SKAP2: variants seen among roughly 807,000 people sequenced by gnomAD.
SKAP2 encodes src kinase-associated phosphoprotein 2.
A neutral mutation model predicts 54.9 loss-of-function variants in SKAP2; 28 were observed. That is an observed-to-expected ratio of 0.51 (90% CI 0.38 to 0.70). The LOEUF (loss-of-function observed/expected upper bound fraction) is 0.70. SKAP2 is among the 30% of genes least tolerant of loss of function. SKAP2 has a pLI of 0.00. For missense variants in SKAP2, 356 were observed against 424.1 expected (o/e 0.84, Z 1.41); for synonymous variants, 137 against 134.3 (o/e 1.02, Z -0.14).
At chr7:26,847,712 G>C (rs1193946175) in intron 3 of SKAP2, among the ~76,000 whole-genome samples, 1 of 152,134 alleles carries the variant, frequency 6.6e-6, no homozygotes, top group Non-Finnish European at 1.5e-5. Flanking sequence ...AATGTCAGTG[G>C]TGCTGTGAGC....
At chr7:26,717,013 G>A (rs964650588) in intron 9 of SKAP2, among the ~76,000 whole-genome samples, 1 of 152,020 alleles carries the variant, frequency 6.6e-6, no homozygotes, top group Non-Finnish European at 1.5e-5. Context: ...TCTTTCCTGT[G>A]TTCACTCCTT....
At chr7:26,732,821 C>T (rs1787848188) in intron 6 of SKAP2, among the ~76,000 whole-genome samples, 1 of 152,140 alleles carries the variant, frequency 6.6e-6, no homozygotes, top group African/African-American at 2.4e-5. Flanking sequence ...AGAAGTGAGA[C>T]TAGATATCAA....
chr7:26,718,980 A>C (rs997004881), intron 9 of SKAP2, among the ~76,000 whole-genome samples: 1 of 152,066 alleles, frequency 6.6e-6, no homozygotes, highest in Non-Finnish European at 1.5e-5. Flanking sequence ...GGAGTTCAAA[A>C]CCAGCCTGGT....
intron 4 of SKAP2, among the ~76,000 whole-genome samples, chr7:26,809,876 G>A (rs906568672): frequency 5.3e-5 from 8 of 152,176 alleles, no homozygotes; most frequent in Admixed American, 4.6e-4. Flanking sequence ...AAGATGAATA[G>A]ATGAAGAAAA....
chr7:26,659,770 C>T, the SKAP2 span, among the ~76,000 whole-genome samples: 1 of 152,000 alleles, frequency 6.6e-6, no homozygotes, highest in African/African-American at 2.4e-5. Context: ...AAGTAAAATA[C>T]AGAATTCCCT....
chr7:26,719,918 C>A (rs995268622), intron 9 of SKAP2, among the ~76,000 whole-genome samples: 1 of 152,202 alleles, frequency 6.6e-6, no homozygotes, highest in Non-Finnish European at 1.5e-5. Context: ...TTGTCTATTA[C>A]ATCCCTGTGG....
chr7:26,711,453 T>A (rs1014114822), intron 9 of SKAP2, among the ~76,000 whole-genome samples: 5 of 152,190 alleles, frequency 3.3e-5, no homozygotes, highest in Non-Finnish European at 7.4e-5. Flanking sequence ...GACAAAAAAA[T>A]GAAAAGCCAC....
intron 9 of SKAP2, among the ~76,000 whole-genome samples, chr7:26,717,509 CAAAAAAAAAAAAAAAA>C (rs58826714): frequency 4.8e-4 from 11 of 23,130 alleles, no homozygotes; most frequent in East Asian, 1.6e-3. Context: ...GACCCCATCT[CAAAAAAAAAAAAAAAA>C]AAAAAAAAAA....
intron 9 of SKAP2, among the ~76,000 whole-genome samples, chr7:26,702,468 A>C (rs1390354640): frequency 2.0e-5 from 3 of 152,136 alleles, no homozygotes; most frequent in African/African-American, 7.2e-5. Flanking sequence ...CTCAAGAAAG[A>C]AAAAGATATG....
intron 1 of SKAP2, among the ~76,000 whole-genome samples, chr7:26,858,826 C>T (rs1785226387): frequency 6.6e-6 from 1 of 152,194 alleles, no homozygotes; most frequent in Non-Finnish European, 1.5e-5. Context: ...TAGTATCTAG[C>T]ACAGATTCCC....
rs893234169 is a variant in SKAP2, at chr7:26,668,333, T to C, written c.*1333A>G. On this transcript the variant is annotated 3_prime_UTR_variant, in exon 13 of 13. Transcript: ENST00000345317. ...CATTTTGACATATGTTAAGGCTACATTGGTATCTCATAGGTATTTTAAACA... is the reference window on the plus strand; with the variant it reads ...CATTTTGACATATGTTAAGGCTACACTGGTATCTCATAGGTATTTTAAACA... The C allele has an allele frequency of 1.3e-5, 2 of 152,222 alleles. No individual in the cohort carries two copies. The highest frequency in any genetic ancestry group is 2.4e-5 in the African/African-American group (1 of 41,454). The allele number at this position is 152,222 out of a possible 1,614,324, so 9.4% of individuals were successfully genotyped here.
At chr7:26,825,676 A>G (rs1784476530) in intron 4 of SKAP2, among the ~76,000 whole-genome samples, 1 of 152,080 alleles carries the variant, frequency 6.6e-6, no homozygotes, top group South Asian at 2.1e-4. Flanking sequence ...GTGAAAAATA[A>G]TAAGAATTTA....
In SKAP2 at chr7:26,854,885, C is replaced by T; in HGVS notation, c.73G>A (p.Glu25Lys). 1.9e-6 allele frequency: 3 copies of T among 1,584,224 alleles called. No homozygotes were observed. The highest frequency in any genetic ancestry group is 2.6e-6 in the Non-Finnish European group (3 of 1,159,460). The change falls in exon 2 of 13, where the codon GAA becomes AAA. Residue 25 changes from glutamate to lysine, a missense_variant. Coordinates refer to ENST00000345317, the MANE Select transcript of SKAP2 (RefSeq NM_003930.5). ...TTCAGTATATCTGCTACAAATGTTTCAACATCTAAACCATGCAATATAAGA... is the reference window on the plus strand; with the variant it reads ...TTCAGTATATCTGCTACAAATGTTTTAACATCTAAACCATGCAATATAAGA... ...EEIRNLLADV[E>K]TFVADILKGE...
chr7:26,840,927 TAAG>T (rs1490566672), intron 4 of SKAP2, among the ~76,000 whole-genome samples: 2 of 152,060 alleles, frequency 1.3e-5, no homozygotes, highest in East Asian at 3.9e-4. Flanking sequence ...ATATAAAACA[TAAG>T]AAGCATTTCC....
chr7:26,835,878 A>G (rs1190390407), intron 4 of SKAP2, among the ~76,000 whole-genome samples: 2 of 152,214 alleles, frequency 1.3e-5, no homozygotes, highest in Non-Finnish European at 2.9e-5. Context: ...GAGCCCGTAT[A>G]GCCAAGACAA....
At chr7:26,684,890 T>C (rs191398205) in intron 10 of SKAP2, 42 bp from the exon 11 acceptor site, 311 of 1,087,024 alleles carry the variant, frequency 2.9e-4, no homozygotes, top group Non-Finnish European at 3.8e-4. Context: ...GGCCTTCATG[T>C]AATAACCCCT....
chr7:26,722,311 A>T (rs1166999040), intron 9 of SKAP2, among the ~76,000 whole-genome samples: 1 of 152,174 alleles, frequency 6.6e-6, no homozygotes, highest in Non-Finnish European at 1.5e-5. Flanking sequence ...ATTCTAACTG[A>T]AAAACAATTA....
chr7:26,678,411 T>C (rs1786404122), intron 11 of SKAP2, among the ~76,000 whole-genome samples: 1 of 151,786 alleles, frequency 6.6e-6, no homozygotes, highest in Non-Finnish European at 1.5e-5. Flanking sequence ...TTGAGGAATA[T>C]AACATTTTAT....
At chr7:26,686,208 C>G (rs989808703) in intron 10 of SKAP2, among the ~76,000 whole-genome samples, 2 of 151,906 alleles carry the variant, frequency 1.3e-5, no homozygotes, top group African/African-American at 4.8e-5. Flanking sequence ...GAATATTTAG[C>G]AAATAGAATG....
Sources: gnomAD v4.1 joint callset for allele counts (sites outside exome capture counted in the v4.1 genomes callset) on GRCh38, gnomAD v4.1.1 for gene constraint, MANE v1.5 for transcripts, NCBI Gene and HGNC (gene_info 2026-07-23, HGNC 2026-07-21) for gene names.